The following TRIM61 variants were observed in gnomAD, a reference collection of about 807,000 sequenced individuals.
TRIM61 encodes putative tripartite motif-containing protein 61.
A neutral mutation model predicts 14.2 loss-of-function variants in TRIM61; 1 was observed. The ratio of observed to expected loss-of-function variants is 0.07; its 90% CI spans 0.03 to 0.33. The LOEUF (loss-of-function observed/expected upper bound fraction) is 0.33, where lower values mean the gene tolerates loss of function less well. Among genes scored for constraint, TRIM61 ranks in the 10% least tolerant of loss-of-function variants. TRIM61 has a pLI of 0.99. For missense variants in TRIM61, 19 were observed against 202.2 expected (o/e 0.09, Z 5.49); for synonymous variants, 8 against 71.6 (o/e 0.11, Z 4.49).
intron 3 of TRIM61, among the ~76,000 whole-genome samples, chr4:164,966,505 G>C (rs1359794427): frequency 1.3e-5 from 2 of 152,194 alleles, no homozygotes; most frequent in Admixed American, 1.3e-4. Context: ...AAAGAGCTGA[G>C]GAGTTCAAAG....
At chr4:164,963,051 G>GA (rs1732169838) in intron 3 of TRIM61, among the ~76,000 whole-genome samples, 1 of 152,278 alleles carries the variant, frequency 6.6e-6, no homozygotes, top group South Asian at 2.1e-4. Flanking sequence ...TAAGTTAATA[G>GA]AAAAAATTAA....
chr4:164,964,565 G>A (rs1579145319), intron 3 of TRIM61, among the ~76,000 whole-genome samples: 1 of 138,518 alleles, frequency 7.2e-6, no homozygotes, highest in African/African-American at 2.6e-5. Flanking sequence ...AAGTTAGTAT[G>A]GGATTTCAAA....
At chr4:164,965,185 G>A (rs1218940906) in intron 3 of TRIM61, among the ~76,000 whole-genome samples, 1 of 152,224 alleles carries the variant, frequency 6.6e-6, no homozygotes. Context: ...CTATTCCAGA[G>A]GCTAAGGCGT....
At chr4:164,963,125 A>T (rs1732171058) in intron 3 of TRIM61, among the ~76,000 whole-genome samples, 1 of 152,234 alleles carries the variant, frequency 6.6e-6, no homozygotes, top group Non-Finnish European at 1.5e-5. Context: ...GTGCACCTGT[A>T]GTCCCAGCTA....
intron 3 of TRIM61, among the ~76,000 whole-genome samples, chr4:164,955,661 A>G (rs866382741): frequency 2.0e-4 from 30 of 151,140 alleles, no homozygotes; most frequent in African/African-American, 7.1e-4. Flanking sequence ...ATTGAGGTTG[A>G]TTTTCCTTGT....
intron 3 of TRIM61, among the ~76,000 whole-genome samples, chr4:164,965,876 G>C (rs1353348462): frequency 6.6e-6 from 1 of 151,276 alleles, no homozygotes; most frequent in Non-Finnish European, 1.5e-5. Context: ...ATAGACTAAA[G>C]ACATTTTCAG....
chr4:164,962,538 C>T (rs1215748671), intron 3 of TRIM61, among the ~76,000 whole-genome samples: 1 of 151,984 alleles, frequency 6.6e-6, no homozygotes, highest in Non-Finnish European at 1.5e-5. Context: ...CCACTGCGCC[C>T]GGCCTGACAA....
chr4:164,963,110 G>C lies in TRIM61; in HGVS notation c.525+6368C>G, dbSNP rs555029956. Reference sequence around the variant, plus strand: ...ACTAAACCCAGAGAAGCCAGGCATGGTGGAGTGCACCTGTAGTCCCAGCTA... The same window carrying C: ...ACTAAACCCAGAGAAGCCAGGCATGCTGGAGTGCACCTGTAGTCCCAGCTA... On this transcript the variant is annotated intron_variant, in intron 3 of 4. Coordinates refer to ENST00000329314, the MANE Select transcript of TRIM61 (RefSeq NM_001012414.3). 4.6e-5 allele frequency among the ~76,000 whole-genome samples: 7 copies of C among 152,300 alleles called. No individual in the cohort carries two copies. The East Asian group carries it at 9.6e-4, about 21-fold the overall frequency.
intron 2 of TRIM61, among the ~76,000 whole-genome samples, chr4:164,975,712 C>T (rs572824247): frequency 2.1e-4 from 32 of 152,278 alleles, no homozygotes; most frequent in African/African-American, 7.5e-4. Context: ...CCCTTGAAAG[C>T]GGGGTATTGT....
intron 3 of TRIM61, chr4:164,958,771 G>T (rs1732069448): frequency 1.2e-5 from 2 of 166,862 alleles, no homozygotes. Flanking sequence ...AACAAAACAG[G>T]CTTATATAAA....
At chr4:164,957,709 T>A in intron 3 of TRIM61, 1 of 581,594 alleles carries the variant, frequency 1.7e-6, no homozygotes, top group Non-Finnish European at 3.0e-6. Flanking sequence ...GATGCAGTTC[T>A]GAAAACCTGA....
At chr4:164,956,970 G>A (rs1732005984) in intron 3 of TRIM61, 2 of 1,437,638 alleles carry the variant, frequency 1.4e-6, no homozygotes, top group Non-Finnish European at 9.2e-7. Flanking sequence ...GGGTGAGACC[G>A]TGAAGGTGTG....
At chr4:164,974,281 T>A (rs755611765) in intron 2 of TRIM61, among the ~76,000 whole-genome samples, 10 of 152,252 alleles carry the variant, frequency 6.6e-5, no homozygotes, top group Non-Finnish European at 1.5e-4. Flanking sequence ...GTAGTAGTGG[T>A]GTGCTTCAGA....
At chr4:164,966,875 C>T (rs1334280638) in intron 3 of TRIM61, among the ~76,000 whole-genome samples, 1 of 151,718 alleles carries the variant, frequency 6.6e-6, no homozygotes, top group Non-Finnish European at 1.5e-5. Flanking sequence ...TGCAGTGAGA[C>T]GAGATAATGC....
chr4:164,973,367 G>A (rs79922573), intron 2 of TRIM61, among the ~76,000 whole-genome samples: 4,503 of 152,226 alleles, frequency 0.03, 93 homozygotes, highest in African/African-American at 0.04. Context: ...CTTTACACTC[G>A]CACGGCATCC....
chr4:164,976,405 T>C (rs1218190440), intron 2 of TRIM61, among the ~76,000 whole-genome samples: 1 of 152,112 alleles, frequency 6.6e-6, no homozygotes, highest in Non-Finnish European at 1.5e-5. Flanking sequence ...GAGGACTCAC[T>C]CCAGGTATCA....
chr4:164,967,064 T>C (rs1018501526), intron 3 of TRIM61, among the ~76,000 whole-genome samples: 3 of 152,202 alleles, frequency 2.0e-5, no homozygotes, highest in African/African-American at 7.2e-5. Flanking sequence ...AAAAATGAGT[T>C]TAGCCAGCTA....
intron 2 of TRIM61, among the ~76,000 whole-genome samples, chr4:164,972,471 C>G (rs552501625): frequency 2.0e-5 from 3 of 150,462 alleles, no homozygotes; most frequent in African/African-American, 7.3e-5. Flanking sequence ...TCCTAGACTA[C>G]CCCAAATTCA....
chr4:164,974,941 A>C (rs2111154423), intron 2 of TRIM61, among the ~76,000 whole-genome samples: 1 of 151,924 alleles, frequency 6.6e-6, no homozygotes, highest in East Asian at 1.9e-4. Context: ...AAGTTTTAAG[A>C]ATCTTGCCCA....
Sources: gnomAD v4.1 joint callset for allele counts (sites outside exome capture counted in the v4.1 genomes callset) on GRCh38, gnomAD v4.1.1 for gene constraint, MANE v1.5 for transcripts, NCBI Gene and HGNC (gene_info 2026-07-23, HGNC 2026-07-21) for gene names.